Variants in PTPRJ observed in about 807,000 individuals in gnomAD.
PTPRJ encodes receptor-type tyrosine-protein phosphatase eta.
A neutral mutation model predicts 141.3 loss-of-function variants in PTPRJ; 129 were observed. The observed-to-expected ratio is 0.91, with a 90% CI of 0.79 to 1.06. PTPRJ has a LOEUF of 1.06. Ranked by LOEUF, PTPRJ falls within the 50% of genes least tolerant of loss-of-function variation. The pLI is 0.00. For missense variants in PTPRJ, 1,601 were observed against 1,679.7 expected (o/e 0.95, Z 0.82); for synonymous variants, 610 against 640.5 (o/e 0.95, Z 0.72).
At chr11:48,090,553 C>T (rs917781021) in intron 1 of PTPRJ, among the ~76,000 whole-genome samples, 1 of 152,194 alleles carries the variant, frequency 6.6e-6, no homozygotes, top group Non-Finnish European at 1.5e-5. Flanking sequence ...CCCAGACTAG[C>T]AGTAGGTACA....
intron 18 of PTPRJ, among the ~76,000 whole-genome samples, chr11:48,150,621 G>A (rs1857458874): frequency 6.6e-6 from 1 of 152,208 alleles, no homozygotes; most frequent in South Asian, 2.1e-4. Context: ...TATATGAGCT[G>A]GAAAGAAACC....
intron 1 of PTPRJ, among the ~76,000 whole-genome samples, chr11:48,023,332 C>T (rs998112641): frequency 3.9e-5 from 6 of 152,116 alleles, no homozygotes; most frequent in Non-Finnish European, 7.4e-5. Flanking sequence ...CTAATAATCA[C>T]GATGAGTTTC....
At chr11:48,064,865 C>T (rs549238571) in intron 1 of PTPRJ, among the ~76,000 whole-genome samples, 1 of 152,040 alleles carries the variant, frequency 6.6e-6, no homozygotes, top group Admixed American at 6.6e-5. Flanking sequence ...AGGTGATTCA[C>T]CCACCTTGAC....
chr11:48,053,337 TTATA>T (rs1356351455), intron 1 of PTPRJ, among the ~76,000 whole-genome samples: 1 of 92,672 alleles, frequency 1.1e-5, no homozygotes, highest in Non-Finnish European at 1.9e-5. Context: ...TATTAATATA[TTATA>T]TATTATATAT....
At chr11:48,154,640 C>T (rs183301696) in intron 19 of PTPRJ, among the ~76,000 whole-genome samples, 13 of 152,238 alleles carry the variant, frequency 8.5e-5, no homozygotes, top group African/African-American at 2.4e-4. Flanking sequence ...TACATCAGGA[C>T]GTCATCATCT....
chr11:48,118,326 C>T (rs1295287274), intron 3 of PTPRJ, among the ~76,000 whole-genome samples: 5 of 152,122 alleles, frequency 3.3e-5, no homozygotes, highest in African/African-American at 9.7e-5. Context: ...CTCAAGTGAC[C>T]CCCACCACCT....
intron 1 of PTPRJ, among the ~76,000 whole-genome samples, chr11:48,030,633 C>T (rs1853954437): frequency 6.6e-6 from 1 of 152,138 alleles, no homozygotes; most frequent in Non-Finnish European, 1.5e-5. Flanking sequence ...ATCCCAGCTA[C>T]TAGGGGAGCT....
At chr11:48,024,786 C>T (rs1350155476) in intron 1 of PTPRJ, among the ~76,000 whole-genome samples, 2 of 152,226 alleles carry the variant, frequency 1.3e-5, no homozygotes, top group African/African-American at 2.4e-5. Flanking sequence ...GTGGCATCTG[C>T]GCCAGGGCTA....
At position 48,167,179 on chromosome 11, in the gene PTPRJ, T is replaced by C. The variant is rs781180696; in HGVS notation, c.3856-25T>C. ...TTCTGGGACCCATGTTCATTTTCTG[T>C]CTCTCTCTTTCGTTTTTCTATCAGG... On this transcript the variant is annotated intron_variant, in intron 24 of 24. Coordinates refer to ENST00000418331, the MANE Select transcript of PTPRJ (RefSeq NM_002843.4). 2.5e-6 allele frequency: 4 copies of C among 1,591,538 alleles called. No individual in the cohort carries two copies. In the African/African-American group the frequency reaches 5.4e-5, roughly 21 times the overall value.
intron 15 of PTPRJ, among the ~76,000 whole-genome samples, chr11:48,147,776 C>T (rs1469809726): frequency 2.0e-5 from 3 of 152,114 alleles, no homozygotes; most frequent in Non-Finnish European, 2.9e-5. Context: ...CGGCCCAGGC[C>T]GGTTCCTTGT....
chr11:48,022,570 T>G (rs1853681176), intron 1 of PTPRJ, among the ~76,000 whole-genome samples: 1 of 152,074 alleles, frequency 6.6e-6, no homozygotes, highest in Non-Finnish European at 1.5e-5. Context: ...TTTCTAACAC[T>G]GTATGTCCTT....
intron 2 of PTPRJ, 142 bp from the exon 3 acceptor site, chr11:48,112,605 G>A (rs1856468767): frequency 1.5e-6 from 1 of 672,370 alleles, no homozygotes. Flanking sequence ...CATGTTGTAG[G>A]TGATGATACA....
chr11:47,998,265 T>A (rs1854395392), intron 1 of PTPRJ, among the ~76,000 whole-genome samples: 1 of 152,092 alleles, frequency 6.6e-6, no homozygotes, highest in South Asian at 2.1e-4. Context: ...ATCAGTAGGG[T>A]GACTACAGTT....
chr11:48,026,758 T>G (rs182743210), intron 1 of PTPRJ, among the ~76,000 whole-genome samples: 1 of 151,662 alleles, frequency 6.6e-6, no homozygotes, highest in Non-Finnish European at 1.5e-5. Context: ...ATGAGTAGGT[T>G]CTTTAGTGGT....
chr11:48,106,393 GA>G (rs1856288732), intron 1 of PTPRJ, among the ~76,000 whole-genome samples: 1 of 152,332 alleles, frequency 6.6e-6, no homozygotes, highest in African/African-American at 2.4e-5. Flanking sequence ...GCCCTAGGAT[GA>G]GGCTGTTTCT....
intron 1 of PTPRJ, among the ~76,000 whole-genome samples, chr11:48,012,501 C>A (rs147691879): frequency 6.6e-6 from 1 of 152,058 alleles, no homozygotes; most frequent in East Asian, 1.9e-4. Context: ...GTGATCTAGT[C>A]GGGGAGGAGA....
At chr11:48,021,867 A>T (rs1357183673) in intron 1 of PTPRJ, among the ~76,000 whole-genome samples, 1 of 152,152 alleles carries the variant, frequency 6.6e-6, no homozygotes, top group Non-Finnish European at 1.5e-5. Flanking sequence ...TTCACTTGTC[A>T]GATGGTTAGT....
intron 6 of PTPRJ, among the ~76,000 whole-genome samples, chr11:48,126,697 G>A (rs1433190113): frequency 1.3e-5 from 2 of 151,152 alleles, no homozygotes; most frequent in East Asian, 2.0e-4. Flanking sequence ...CAAAAGCCCC[G>A]CCTCCTAAAA....
intron 11 of PTPRJ, among the ~76,000 whole-genome samples, chr11:48,141,904 G>A (rs938941719): frequency 1.4e-5 from 2 of 147,532 alleles, no homozygotes; most frequent in African/African-American, 4.9e-5. Flanking sequence ...AGCAACCATT[G>A]TAAATACTAT....
Sources: gnomAD v4.1 joint callset for allele counts (sites outside exome capture counted in the v4.1 genomes callset) on GRCh38, gnomAD v4.1.1 for gene constraint, MANE v1.5 for transcripts, NCBI Gene and HGNC (gene_info 2026-07-23, HGNC 2026-07-21) for gene names.